The following DLGAP2 variants were observed in gnomAD, a reference collection of about 807,000 sequenced individuals.
The protein encoded by DLGAP2 is DLG associated protein 2, also known as disks large-associated protein 2.
A neutral mutation model predicts 100.3 loss-of-function variants in DLGAP2; 26 were observed. That is an observed-to-expected ratio of 0.26 (90% confidence interval 0.19 to 0.36). DLGAP2 has a LOEUF of 0.36. Ranked by LOEUF, DLGAP2 falls within the 10% of genes least tolerant of loss-of-function variation. DLGAP2 has a pLI of 1.00. For synonymous variants in DLGAP2, 886 were observed against 630.1 expected (o/e 1.41, Z -6.08); for missense variants, 1,858 against 1,453.2 (o/e 1.28, Z -4.53).
rs1252786345 is a variant in DLGAP2, at chr8:1,518,287, T to A, written c.172+16856T>A. Among the ~76,000 whole-genome samples the A allele has an allele frequency of 3.3e-5, 5 of 152,338 alleles. No homozygotes were observed. In the East Asian group the frequency reaches 9.7e-4, roughly 29 times the overall value. On this transcript the variant is annotated intron_variant, in intron 4 of 14. Transcript: ENST00000637795. ...GCCCTAATGAAATCTGTCTGCTTCA[T>A]CCTCATCTGCCAGGACACAGCACAT...
At chr8:1,300,933 C>G (rs544158942) in intron 3 of DLGAP2, 3 of 152,404 alleles carry the variant, frequency 2.0e-5, no homozygotes, top group Admixed American at 2.0e-4. Context: ...ATGAACCGAG[C>G]TCAGCGTCCT....
intron 2 of DLGAP2, among the ~76,000 whole-genome samples, chr8:982,062 C>T (rs1271267810): frequency 1.3e-5 from 2 of 152,212 alleles, no homozygotes; most frequent in African/African-American, 2.4e-5. Flanking sequence ...AACCATGTCT[C>T]CTCTGCACAG....
At chr8:1,288,093 G>T (rs1261166774) in intron 3 of DLGAP2, among the ~76,000 whole-genome samples, 1 of 149,192 alleles carries the variant, frequency 6.7e-6, no homozygotes, top group Non-Finnish European at 1.5e-5. Flanking sequence ...TTCAGTGTGT[G>T]TGTGTGCGTG....
intron 2 of DLGAP2, among the ~76,000 whole-genome samples, chr8:977,205 C>CA (rs1372361997): frequency 6.6e-6 from 1 of 152,222 alleles, no homozygotes; most frequent in Non-Finnish European, 1.5e-5. Context: ...ACCAGCCCTA[C>CA]AGTGGGCAGA....
At chr8:1,328,933 C>G (rs926829842) in intron 3 of DLGAP2, among the ~76,000 whole-genome samples, 2 of 152,258 alleles carry the variant, frequency 1.3e-5, no homozygotes, top group Admixed American at 6.5e-5. Flanking sequence ...GTCTGATCCT[C>G]TGCAGCACTA....
intron 3 of DLGAP2, among the ~76,000 whole-genome samples, chr8:1,492,345 T>A (rs1799412096): frequency 6.6e-6 from 1 of 152,192 alleles, no homozygotes; most frequent in Non-Finnish European, 1.5e-5. Context: ...TAAACAGCCT[T>A]CAAATCCTGT....
intron 1 of DLGAP2, among the ~76,000 whole-genome samples, chr8:847,161 G>A (rs1468928592): frequency 6.6e-6 from 1 of 152,116 alleles, no homozygotes; most frequent in African/African-American, 2.4e-5. Flanking sequence ...AACTGTTATG[G>A]TTATAGGAAT....
intron 4 of DLGAP2, among the ~76,000 whole-genome samples, chr8:1,547,000 G>A (rs1172036030): frequency 2.0e-5 from 3 of 152,148 alleles, no homozygotes; most frequent in Non-Finnish European, 2.9e-5. Context: ...TTGGCCTCGA[G>A]GACGGCACAC....
intron 6 of DLGAP2, among the ~76,000 whole-genome samples, chr8:1,571,719 G>A (rs1802697680): frequency 2.2e-5 from 3 of 135,626 alleles, no homozygotes; most frequent in Admixed American, 7.1e-5. Flanking sequence ...GGTGAACTGT[G>A]GGGGCGTCTG....
intron 2 of DLGAP2, among the ~76,000 whole-genome samples, chr8:994,510 T>C (rs1800731478): frequency 6.6e-6 from 1 of 152,230 alleles, no homozygotes; most frequent in African/African-American, 2.4e-5. Flanking sequence ...TGGTGTTTTT[T>C]AATAACGGTT....
chr8:985,692 G>C (rs1349607533), intron 2 of DLGAP2, among the ~76,000 whole-genome samples: 1 of 152,160 alleles, frequency 6.6e-6, no homozygotes, highest in African/African-American at 2.4e-5. Flanking sequence ...AGAATATTTT[G>C]CCTTTGTTAA....
chr8:1,590,119 C>T (rs1434689509), intron 6 of DLGAP2, among the ~76,000 whole-genome samples: 1 of 152,152 alleles, frequency 6.6e-6, no homozygotes, highest in African/African-American at 2.4e-5. Flanking sequence ...CCAGGACCTT[C>T]CCCATCTTCG....
At chr8:976,611 C>CA (rs1034655730) in intron 2 of DLGAP2, among the ~76,000 whole-genome samples, 9 of 151,248 alleles carry the variant, frequency 6.0e-5, no homozygotes, top group Middle Eastern at 3.4e-3. Context: ...GACTCTGTCT[C>CA]AAAAAAACAA....
At chr8:1,312,845 C>G (rs1471708735) in intron 3 of DLGAP2, among the ~76,000 whole-genome samples, 1 of 152,164 alleles carries the variant, frequency 6.6e-6, no homozygotes, top group Admixed American at 6.5e-5. Context: ...AAAATGAACG[C>G]GAGTGTCCAT....
intron 13 of DLGAP2, among the ~76,000 whole-genome samples, chr8:1,695,046 G>A (rs1045135463): frequency 2.0e-5 from 3 of 152,188 alleles, no homozygotes; most frequent in South Asian, 2.1e-4. Context: ...GGAGAGGAGG[G>A]GGGCACGGGA....
intron 2 of DLGAP2, among the ~76,000 whole-genome samples, chr8:1,072,187 G>A (rs771449243): frequency 5.3e-5 from 8 of 152,208 alleles, no homozygotes; most frequent in Non-Finnish European, 1.2e-4. Context: ...GACATCGAGA[G>A]ACATTCCCCC....
intron 14 of DLGAP2, among the ~76,000 whole-genome samples, chr8:1,697,875 C>T (rs1364896483): frequency 6.6e-6 from 1 of 152,220 alleles, no homozygotes; most frequent in African/African-American, 2.4e-5. Flanking sequence ...CCTGGCATTT[C>T]ACTTCTTCCG....
chr8:1,633,723 G>A (rs1052730099), intron 8 of DLGAP2, among the ~76,000 whole-genome samples: 1 of 152,110 alleles, frequency 6.6e-6, no homozygotes, highest in Admixed American at 6.5e-5. Context: ...AAAGCTCGAG[G>A]CGCCGCACAT....
rs970464494 is a variant in DLGAP2, at chr8:1,501,444, C to A, written c.172+13C>A. On this transcript the variant is annotated intron_variant, in intron 4 of 14. Coordinates refer to ENST00000637795, the MANE Select transcript of DLGAP2 (RefSeq NM_001346810.2). ...GAGGAGGATCTAGGTAGAGTACAGACGTCAGCCCCGCTCTGGCGGGGCCCG... is the reference window on the plus strand; with the variant it reads ...GAGGAGGATCTAGGTAGAGTACAGAAGTCAGCCCCGCTCTGGCGGGGCCCG... 8.5e-6 allele frequency: 13 copies of A among 1,535,510 alleles called. No homozygotes were observed. Among genetic ancestry groups the A allele is most frequent in the African/African-American group, 2.7e-5 (2 of 73,046 alleles).
Sources: gnomAD v4.1 joint callset for allele counts (sites outside exome capture counted in the v4.1 genomes callset) on GRCh38, gnomAD v4.1.1 for gene constraint, MANE v1.5 for transcripts, NCBI Gene and HGNC (gene_info 2026-07-23, HGNC 2026-07-21) for gene names.